FKBP5: variants seen among roughly 807,000 people sequenced by gnomAD.
FKBP5 encodes peptidyl-prolyl cis-trans isomerase FKBP5.
A neutral mutation model predicts 50.5 loss-of-function variants in FKBP5; 23 were observed. The observed-to-expected ratio is 0.46, with a 90% CI of 0.33 to 0.65. FKBP5 has a LOEUF of 0.65. Ranked by LOEUF, FKBP5 falls within the 30% of genes least tolerant of loss-of-function variation. FKBP5 has a pLI of 0.02. For synonymous variants in FKBP5, 176 were observed against 190.6 expected, an observed-to-expected ratio of 0.92 and a Z score of 0.63; for missense variants, 411 against 553.1, an observed-to-expected ratio of 0.74 and a Z score of 2.58.
chr6:35,709,276 C>T (rs4711427), intron 2 of FKBP5, among the ~76,000 whole-genome samples: 1 of 152,012 alleles, frequency 6.6e-6, no homozygotes. Context: ...ATTATGAGAA[C>T]AGCATGGGAA....
At chr6:35,718,436 C>T (rs564895954) in intron 2 of FKBP5, among the ~76,000 whole-genome samples, 1 of 152,222 alleles carries the variant, frequency 6.6e-6, no homozygotes, top group African/African-American at 2.4e-5. Context: ...ACCGGGGAAT[C>T]GGCTGTTGGT....
chr6:35,681,099 A>T (rs1765650372), intron 1 of FKBP5, among the ~76,000 whole-genome samples: 1 of 152,202 alleles, frequency 6.6e-6, no homozygotes. Flanking sequence ...GTTAATTCCT[A>T]ACTGAGGTAT....
At chr6:35,680,746 T>A (rs1200204037) in intron 1 of FKBP5, among the ~76,000 whole-genome samples, 1 of 152,370 alleles carries the variant, frequency 6.6e-6, no homozygotes, top group African/African-American at 2.4e-5. Flanking sequence ...CAGATTTGTA[T>A]GCCTCCTCTT....
At chr6:35,684,105 G>C (rs1357043802) in intron 1 of FKBP5, among the ~76,000 whole-genome samples, 1 of 151,640 alleles carries the variant, frequency 6.6e-6, no homozygotes, top group Non-Finnish European at 1.5e-5. Context: ...AGCTTTCACA[G>C]ATGTGTGACT....
chr6:35,724,610 G>A (rs1766667508), intron 1 of FKBP5, among the ~76,000 whole-genome samples: 1 of 151,992 alleles, frequency 6.6e-6, no homozygotes, highest in East Asian at 1.9e-4. Context: ...AGGTGTGATG[G>A]TTCACACCTG....
intron 1 of FKBP5, among the ~76,000 whole-genome samples, chr6:35,724,029 T>A (rs1766658885): frequency 6.6e-6 from 1 of 152,366 alleles, no homozygotes; most frequent in East Asian, 1.9e-4. Context: ...TTTAGAGGCA[T>A]ATTAAGATCA....
chr6:35,579,162 ACACTCT>A (rs1282134786), intron 9 of FKBP5, among the ~76,000 whole-genome samples: 1 of 147,876 alleles, frequency 6.8e-6, no homozygotes, highest in African/African-American at 2.6e-5. Flanking sequence ...GCGCGCGCAC[ACACTCT>A]CTCTCTCTCT....
At chr6:35,670,748 G>A (rs1023639657) in intron 1 of FKBP5, among the ~76,000 whole-genome samples, 2 of 141,942 alleles carry the variant, frequency 1.4e-5, no homozygotes, top group Admixed American at 6.8e-5. Flanking sequence ...AAAAAAGAAA[G>A]AAAAGAAAAG....
chr6:35,577,655 T>TG (rs1203538615), intron 9 of FKBP5, among the ~76,000 whole-genome samples: 1 of 152,236 alleles, frequency 6.6e-6, no homozygotes, highest in Admixed American at 6.5e-5. Context: ...GAAACAGTCA[T>TG]GTGTCTGCAT....
intron 1 of FKBP5, among the ~76,000 whole-genome samples, chr6:35,724,800 T>A (rs2151025741): frequency 6.6e-6 from 1 of 151,466 alleles, no homozygotes; most frequent in South Asian, 2.1e-4. Context: ...CAGACAGACC[T>A]GAGTGTGAAT....
chr6:35,672,470 CTT>C (rs548784244), intron 1 of FKBP5, among the ~76,000 whole-genome samples: 9 of 136,820 alleles, frequency 6.6e-5, no homozygotes, highest in Admixed American at 1.5e-4. Flanking sequence ...CAGAAGCTTG[CTT>C]TTTTTTTTTT....
At chr6:35,630,842 C>A (rs889309258) in intron 3 of FKBP5, among the ~76,000 whole-genome samples, 2 of 152,122 alleles carry the variant, frequency 1.3e-5, no homozygotes, top group African/African-American at 2.4e-5. Flanking sequence ...ATAAAGCTGA[C>A]TTAATCAGAA....
At chr6:35,725,580 C>T (rs920112907) in intron 1 of FKBP5, among the ~76,000 whole-genome samples, 2 of 152,120 alleles carry the variant, frequency 1.3e-5, no homozygotes, top group African/African-American at 2.4e-5. Context: ...TTCCCACCCC[C>T]AGCAAGAGTT....
chr6:35,584,424 C>A, intron 8 of FKBP5: 2 of 985,442 alleles, frequency 2.0e-6, no homozygotes, highest in South Asian at 9.4e-5. Context: ...AAATACAGAT[C>A]TTTAGTTCAG....
At chr6:35,581,041 T>C in intron 8 of FKBP5, 2 of 973,658 alleles carry the variant, frequency 2.1e-6, no homozygotes, top group Non-Finnish European at 2.4e-6. Context: ...CAAAAGCTGC[T>C]CTAGACAGTA....
intron 1 of FKBP5, among the ~76,000 whole-genome samples, chr6:35,663,359 G>A (rs1321253500): frequency 6.6e-6 from 1 of 152,230 alleles, no homozygotes; most frequent in Non-Finnish European, 1.5e-5. Context: ...GACTGTGAAG[G>A]ACCTTGTGTG....
chr6:35,684,738 A>C (rs567522495), intron 1 of FKBP5, among the ~76,000 whole-genome samples: 1 of 152,196 alleles, frequency 6.6e-6, no homozygotes, highest in Non-Finnish European at 1.5e-5. Flanking sequence ...CCAAGAGGCT[A>C]TAAGTCGGCC....
intron 2 of FKBP5, among the ~76,000 whole-genome samples, chr6:35,641,764 C>G (rs544667174): frequency 3.9e-4 from 59 of 152,018 alleles, no homozygotes; most frequent in African/African-American, 1.4e-3. Context: ...CAACACTTTG[C>G]GAGGCCAAGG....
intron 1 of FKBP5, among the ~76,000 whole-genome samples, chr6:35,671,872 A>ATT (rs1226325256): frequency 6.8e-6 from 1 of 146,554 alleles, no homozygotes. Context: ...ATTTAGAAGA[A>ATT]TTTTTTTTTT....
Sources: gnomAD v4.1 joint callset for allele counts (sites outside exome capture counted in the v4.1 genomes callset) on GRCh38, gnomAD v4.1.1 for gene constraint, MANE v1.5 for transcripts, NCBI Gene and HGNC (gene_info 2026-07-23, HGNC 2026-07-21) for gene names.